Variants in COL20A1 observed in about 807,000 individuals in gnomAD.
COL20A1 encodes collagen alpha-1(XX) chain.
A neutral mutation model predicts 152.9 loss-of-function variants in COL20A1; 164 were observed. The observed-to-expected ratio is 1.07, with a 90% CI of 0.94 to 1.22. The LOEUF (loss-of-function observed/expected upper bound fraction) is 1.22, where lower values mean the gene tolerates loss of function less well. Among genes scored for constraint, COL20A1 ranks in the 50% most tolerant of loss-of-function variants. The probability of loss-of-function intolerance (pLI) is 0.00; values close to 1 mark genes in which losing one functional copy is unlikely to be tolerated. For synonymous variants in COL20A1, 864 were observed against 756.0 expected (o/e 1.14, Z -2.34); for missense variants, 1,873 against 1,744.8 (o/e 1.07, Z -1.31).
chr20:63,304,408 C>T (rs2067897482), intron 3 of COL20A1, among the ~76,000 whole-genome samples: 1 of 138,720 alleles, frequency 7.2e-6, no homozygotes, highest in Non-Finnish European at 1.6e-5. Context: ...TTCCTCCCTC[C>T]CTTCCTCCCT....
At chr20:63,316,386 A>AC (rs1376419573) in intron 20 of COL20A1, among the ~76,000 whole-genome samples, 167 bp from the exon 21 acceptor site, 3 of 82,284 alleles carry the variant, frequency 3.6e-5, no homozygotes, top group African/African-American at 4.8e-5. Flanking sequence ...ACCCCTGCCC[A>AC]CCCCCCAGCC....
intron 10 of COL20A1, 23 bp downstream of exon 10, chr20:63,309,938 CT>C: frequency 1.9e-5 from 30 of 1,557,306 alleles, no homozygotes; most frequent in Non-Finnish European, 2.5e-5. Context: ...GTATACAGGG[CT>C]CCCCGAGCCG....
At chr20:63,307,760 G>C in intron 6 of COL20A1, 112 bp downstream of exon 6, 1 of 1,316,478 alleles carries the variant, frequency 7.6e-7, no homozygotes, top group Non-Finnish European at 1.0e-6. Flanking sequence ...CTCTCACCTT[G>C]TGGGGTGGGA....
chr20:63,328,597 C>G, intron 34 of COL20A1, 99 bp downstream of exon 34: 1 of 1,170,442 alleles, frequency 8.5e-7, no homozygotes, highest in Admixed American at 2.5e-5. Context: ...GTCAGCACAG[C>G]AGCTCCTGCT....
chr20:63,330,694 A>G (rs1356302558), intron 35 of COL20A1, 26 bp from the exon 36 acceptor site: 1 of 151,990 alleles, frequency 6.6e-6, no homozygotes, highest in African/African-American at 2.4e-5. Context: ...GGCCTCTCAC[A>G]TCTGTCCTCC....
Position 63,312,482 on chromosome 20 carries a change from C to A in COL20A1, c.1866C>A (p.Tyr622Ter). 6.2e-7 allele frequency: 1 copy of A among 1,609,176 alleles called. No homozygotes were observed. Among genetic ancestry groups the A allele is most frequent in the Non-Finnish European group, 8.5e-7 (1 of 1,178,898 alleles). The change falls in exon 15 of 36, where the codon TAC becomes TAA. Residue 622 changes from tyrosine to a stop codon, truncating the protein, a stop_gained. Transcript: ENST00000358894. LOFTEE classifies it high-confidence loss of function. ...GGCCTCTCTCTTCCTCCACCACCTA[C>A]ACTGTCCGTGTCACCTGCCTCTACC... ...TLGPLSSSTT[Y>*]TVRVTCLYPG... is the part of the protein sequence containing the mutation.
rs1379530300 is a variant in COL20A1 at position 63,313,083 on chromosome 20, C to G, written c.2077-34C>G. 6.3e-7 allele frequency: 1 copy of G among 1,589,980 alleles called. No individual in the cohort carries two copies. The highest frequency in any genetic ancestry group is 1.3e-5 in the African/African-American group (1 of 74,384). The stretch of plus-strand genomic sequence containing the variant: ...GCCCCCCAACCTGAGGACCCCACTG[C>G]ACCCGGTGACCCCTGGGGCTCTCCT... On this transcript the variant is annotated intron_variant, in intron 16 of 35. Transcript: ENST00000358894. This position sits in a 1 kb window ranked among gnomAD's most constrained non-coding sequence, Gnocchi z 5.9.
rs1417188308 is a variant in COL20A1 at position 63,306,235 on chromosome 20, A to G, written c.496+196A>G. Among the ~76,000 whole-genome samples, 169 of 121,530 alleles carry G rather than the reference A, an allele frequency of 1.4e-3. 1 individual carries two copies. Among genetic ancestry groups the G allele is most frequent in the Non-Finnish European group, 4.0e-4 (23 of 57,050 alleles). 79.7% of individuals were successfully genotyped at this position (121,530 alleles called of 152,430 possible). On this transcript the variant is annotated intron_variant, in intron 5 of 35. Transcript: ENST00000358894. The surrounding 1 kb of genome is among the most constrained non-coding windows in gnomAD (Gnocchi z 6.9). ...GCCGGGAAGTTCTTCCTCGTGTCTG[A>G]CCACACGGTCTCTGACCACGAGGCC...
intron 7 of COL20A1, 135 bp downstream of exon 7, chr20:63,308,225 G>A (rs2067955840): frequency 2.8e-6 from 3 of 1,078,472 alleles, no homozygotes; most frequent in Middle Eastern, 3.0e-4. Context: ...CTTTATAGAG[G>A]GCAGAGTCAC....
At chr20:63,316,449 C>T in intron 20 of COL20A1, 104 bp from the exon 21 acceptor site, 1 of 828,320 alleles carries the variant, frequency 1.2e-6, no homozygotes, top group Non-Finnish European at 1.8e-6. Context: ...TCCCACCGCA[C>T]TGCAGCCCCT....
intron 21 of COL20A1, 46 bp downstream of exon 21, chr20:63,316,737 C>T (rs1471138982): frequency 6.8e-7 from 1 of 1,469,438 alleles, no homozygotes; most frequent in South Asian, 1.3e-5. Context: ...CAGGCTGGGG[C>T]CGCTGAAGAT....
rs1444794394 is a variant in COL20A1, at chr20:63,331,309, C to T, written c.*593C>T. ...CCTTCACATCTGGGCACAGGCAGGT[C>T]CCTGCCTGCCTCATCGTCCCCTCTG... On this transcript the variant is annotated 3_prime_UTR_variant, in exon 36 of 36. Transcript: ENST00000358894. 1 of 152,266 alleles carries T rather than the reference C, an allele frequency of 6.6e-6. No homozygotes were observed. The highest frequency in any genetic ancestry group is 1.5e-5 in the Non-Finnish European group (1 of 68,100). The allele number at this position is 152,266 out of a possible 1,614,324, so 9.4% of individuals were successfully genotyped here.
At chr20:63,301,859 C>T (rs1026677311) in intron 3 of COL20A1, among the ~76,000 whole-genome samples, 7 of 152,068 alleles carry the variant, frequency 4.6e-5, no homozygotes, top group African/African-American at 1.7e-4. Flanking sequence ...CAGTCTTTGT[C>T]TTTTTATTAA....
chr20:63,317,683 G>A (rs958536036), intron 21 of COL20A1, among the ~76,000 whole-genome samples: 2 of 151,972 alleles, frequency 1.3e-5, no homozygotes, highest in Non-Finnish European at 2.9e-5. Flanking sequence ...GGCTGAACTC[G>A]ATGACTGTTC....
In COL20A1 at chr20:63,319,209, G is replaced by A. The variant is rs760402658; in HGVS notation, c.2806+9G>A. 7 of 1,611,166 alleles carry A rather than the reference G, an allele frequency of 4.3e-6. No homozygotes were observed. Among genetic ancestry groups the A allele is most frequent in the South Asian group, 2.2e-5 (2 of 90,844 alleles). On this transcript the variant is annotated intron_variant, in intron 22 of 35. Coordinates refer to ENST00000358894, the MANE Select transcript of COL20A1 (RefSeq NM_020882.4). This position sits in a 1 kb window ranked among gnomAD's most constrained non-coding sequence, Gnocchi z 4.4. ...TGGGGTTCTGCTGGATGGTGACGTGGGCCCCGCGTCGCCCCCAGCAGTCAG... is the reference window on the plus strand; with the variant it reads ...TGGGGTTCTGCTGGATGGTGACGTGAGCCCCGCGTCGCCCCCAGCAGTCAG...
intron 5 of COL20A1, among the ~76,000 whole-genome samples, chr20:63,307,085 C>T (rs940792961): frequency 6.6e-6 from 1 of 152,232 alleles, no homozygotes; most frequent in African/African-American, 2.4e-5. Context: ...CTGCAAAACC[C>T]CGGGGAGCGC....
chr20:63,321,001 C>G lies in COL20A1; in HGVS notation c.3154-12C>G. The G allele has an allele frequency of 1.3e-6, 2 of 1,559,146 alleles. No individual in the cohort carries two copies. Among genetic ancestry groups the G allele is most frequent in the Non-Finnish European group, 1.7e-6 (2 of 1,151,098 alleles). On this transcript the variant is annotated splice_polypyrimidine_tract_variant and intron_variant, in intron 25 of 35. Transcript: ENST00000358894. ...AGGGTCTCTCTAATGGGCAGGGTCT[C>G]TCTTCTTCCAGAGGGATGGAGAGAC...
Position 63,309,907 on chromosome 20 carries a change from C to G in COL20A1, c.1255C>G (p.Pro419Ala). The change falls in exon 10 of 36, where the codon CCC becomes GCC. Residue 419 changes from proline to alanine, a missense_variant. Coordinates refer to ENST00000358894, the MANE Select transcript of COL20A1 (RefSeq NM_020882.4). ...IVWRASRGGT[P>A]REVVVEGPAA... ...TTGGCGAGCCTCTAGAGGTGGCACC[C>G]CCAGGGAGGTGAGGGGGCCGGTATA... is the stretch of plus-strand genomic sequence containing the variant. The G allele has an allele frequency of 6.2e-7, 1 of 1,600,296 alleles. No individual in the cohort carries two copies. The highest frequency in any genetic ancestry group is 8.5e-7 in the Non-Finnish European group (1 of 1,173,774).
intron 3 of COL20A1, among the ~76,000 whole-genome samples, chr20:63,300,373 TAATTGATTC>T (rs956796899): frequency 1.3e-5 from 2 of 152,198 alleles, no homozygotes; most frequent in African/African-American, 4.8e-5. Context: ...ATACTTCACA[TAATTGATTC>T]AATTTCCTTA....
Sources: gnomAD v4.1 joint callset for allele counts (sites outside exome capture counted in the v4.1 genomes callset) on GRCh38, gnomAD v4.1.1 for gene constraint, Gnocchi (gnomAD v3.1) non-coding constraint, MANE v1.5 for transcripts, NCBI Gene and HGNC (gene_info 2026-07-23, HGNC 2026-07-21) for gene names.